PAX6: variants seen among roughly 807,000 people sequenced by gnomAD.
PAX6 encodes the protein paired box 6.
PAX6 carries 7 observed loss-of-function variants against 60.7 expected under a neutral mutation model. The observed-to-expected ratio is 0.12, with a 90% confidence interval of 0.07 to 0.22. The LOEUF is 0.22. Ranked by LOEUF, PAX6 falls within the 10% of genes least tolerant of loss-of-function variation. The pLI is 1.00. For synonymous variants in PAX6, 208 were observed against 201.2 expected (o/e 1.03, Z -0.29); for missense variants, 355 against 555.2 (o/e 0.64, Z 3.62).
At chr11:31,798,772 G>A (rs1275807670) in intron 8 of PAX6, among the ~76,000 whole-genome samples, 1 of 152,230 alleles carries the variant, frequency 6.6e-6, no homozygotes, top group Non-Finnish European at 1.5e-5. Flanking sequence ...ATCACAGGCG[G>A]ACCCTAGCTG....
chr11:31,800,031 C>T (rs1293770117), intron 8 of PAX6, among the ~76,000 whole-genome samples: 1 of 151,100 alleles, frequency 6.6e-6, no homozygotes, highest in Non-Finnish European at 1.5e-5. Context: ...ATCTCTCCTC[C>T]CAGACCAGAG....
chr11:31,817,932 G>A (rs941556624), exon 1 of PAX6: 2 of 152,690 alleles, frequency 1.3e-5, no homozygotes, highest in East Asian at 3.9e-4. Context: ...CTGCCCCAGA[G>A]TTTAAATGTC....
intron 9 of PAX6, 188 bp downstream of exon 9, chr11:31,794,416 CACACCACACACACACACACACACACA>C: frequency 7.8e-6 from 4 of 511,738 alleles, no homozygotes; most frequent in East Asian, 6.3e-5. Context: ...CACACACACA[CACACCACACACACACACACACACACA>C]CACACACACA....
At position 31,802,809 on chromosome 11, in the gene PAX6, A is replaced by G. The variant is rs769593111; in HGVS notation, c.36T>C (p.Gly12=). 8 of 1,614,028 alleles carry G rather than the reference A, an allele frequency of 5.0e-6. No individual in the cohort carries two copies. Among genetic ancestry groups the G allele is most frequent in the East Asian group, 4.5e-5 (2 of 44,874 alleles). The change falls in exon 5 of 14, where the codon GGT becomes GGC. Residue 12 remains glycine, a synonymous_variant. Coordinates refer to ENST00000640368, the MANE Select transcript of PAX6 (RefSeq NM_001368894.2). ...QNSHSGVNQL[G]GVFVNGRPLP... is the part of the protein sequence containing the mutation. ...GTGGCCGCCCGTTGACAAAGACACC[A>G]CCGAGCTGATTCACTCCGCTGTGAC...
intron 2 of PAX6, chr11:31,809,499 G>C (rs2135380563): frequency 6.6e-6 from 1 of 152,308 alleles, no homozygotes; most frequent in Non-Finnish European, 1.5e-5. Context: ...TGAAGAGCCA[G>C]GTTTTAGCAC....
chr11:31,811,455 T>C (rs1023242470), upstream of PAX6: 15 of 374,222 alleles, frequency 4.0e-5, no homozygotes, highest in Non-Finnish European at 6.7e-5. Flanking sequence ...AATACACTTG[T>C]TTTCGGCTCC....
At chr11:31,798,536 C>T (rs992498539) in intron 8 of PAX6, among the ~76,000 whole-genome samples, 2 of 152,206 alleles carry the variant, frequency 1.3e-5, no homozygotes, top group African/African-American at 4.8e-5. Flanking sequence ...CGAAGCTCAC[C>T]ACCGGTGCCC....
At chr11:31,808,098 A>C (rs1008156325) in intron 2 of PAX6, 6 of 152,142 alleles carry the variant, frequency 3.9e-5, no homozygotes, top group Admixed American at 2.0e-4. Context: ...TCTGCCCCCC[A>C]AAAAGAGGTA....
upstream of PAX6, chr11:31,815,016 CTCTCTCTCTCTCTT>C (rs1256841619): frequency 1.3e-5 from 2 of 151,856 alleles, no homozygotes; most frequent in East Asian, 1.9e-4. Flanking sequence ...CTCTCTCTCT[CTCTCTCTCTCTCTT>C]TCTCTCTCTG....
intron 5 of PAX6, chr11:31,802,142 A>C (rs1416154303): frequency 1.8e-6 from 1 of 557,410 alleles, no homozygotes; most frequent in East Asian, 3.0e-5. Context: ...GACCTTGCTT[A>C]AAGTGGCGTT....
intron 12 of PAX6, 106 bp from the exon 13 acceptor site, chr11:31,790,966 AGAT>A (rs1169270845): frequency 8.4e-7 from 1 of 1,194,324 alleles, no homozygotes; most frequent in East Asian, 2.5e-5. Context: ...TGATCATTAA[AGAT>A]GCCTTCACGT....
At chr11:31,799,668 G>T (rs1466734846) in intron 8 of PAX6, among the ~76,000 whole-genome samples, 1 of 151,848 alleles carries the variant, frequency 6.6e-6, no homozygotes, top group African/African-American at 2.4e-5. Flanking sequence ...CCCTTCCCTC[G>T]CCCGACTCCA....
rs1956981321 is a variant in PAX6 at position 31,811,182 on chromosome 11, G to T, written c.-384C>A. 1 of 399,396 alleles carries T rather than the reference G, an allele frequency of 2.5e-6. No individual in the cohort carries two copies. The highest frequency in any genetic ancestry group is 4.4e-6 in the Non-Finnish European group (1 of 226,358). The allele number at this position is 399,396 out of a possible 1,614,324, so 24.7% of individuals were successfully genotyped here. A position where few individuals can be genotyped will look rare whatever the true frequency, so the allele number is the denominator to read the frequency against. On this transcript the variant is annotated 5_prime_UTR_variant, in exon 1 of 14. Coordinates refer to ENST00000640368, the MANE Select transcript of PAX6 (RefSeq NM_001368894.2). ...GCCGGCGCCCGGCCTCGCCTCCACC[G>T]CTCCTCACTGGCCCATTAGCGAAGC...
At chr11:31,803,377 G>A (rs1465225935) in intron 4 of PAX6, 4 of 166,720 alleles carry the variant, frequency 2.4e-5, no homozygotes, top group Admixed American at 2.2e-4. Context: ...TCTCTGCAGT[G>A]TTGGGACAGT....
intron 4 of PAX6, 152 bp from the exon 5 acceptor site, chr11:31,802,986 G>T: frequency 1.3e-6 from 1 of 756,794 alleles, no homozygotes; most frequent in Non-Finnish European, 2.2e-6. Context: ...AGGAGGAGGA[G>T]ACAACCACAA....
intron 8 of PAX6, among the ~76,000 whole-genome samples, chr11:31,796,093 C>G (rs1951406131): frequency 6.6e-6 from 1 of 152,194 alleles, no homozygotes; most frequent in Non-Finnish European, 1.5e-5. Context: ...GTTTTAAAAC[C>G]CCAACTTTCT....
At position 31,793,728 on chromosome 11, in the gene PAX6, G is replaced by A; in HGVS notation, c.882C>T (p.Asn294=). 6 of 1,614,124 alleles carry A rather than the reference G, an allele frequency of 3.7e-6. No individual in the cohort carries two copies. The highest frequency in any genetic ancestry group is 5.1e-6 in the Non-Finnish European group (6 of 1,179,970). ...TGCTGATAGGAATATGACTAGGTGT[G>A]TTGCTGGCCTGTCTTCTCTGATTCC... ...KLRNQRRQAS[N]TPSHIPISSS... is the part of the protein sequence containing the mutation. Residue 294 remains asparagine, a synonymous_variant, in exon 11 of 14, where the codon AAC becomes AAT. Coordinates refer to ENST00000640368, the MANE Select transcript of PAX6 (RefSeq NM_001368894.2).
chr11:31,793,109 T>G (rs945371133), intron 12 of PAX6: 22 of 603,718 alleles, frequency 3.6e-5, no homozygotes, highest in Middle Eastern at 4.3e-4. Context: ...TGTGCCAGCA[T>G]TATTTCCACT....
At chr11:31,803,097 G>A in intron 4 of PAX6, 1 of 422,914 alleles carries the variant, frequency 2.4e-6, no homozygotes, top group Admixed American at 4.2e-5. Context: ...GCCAGACATC[G>A]GGCAGCCCAG....
Sources: gnomAD v4.1 joint callset for allele counts (sites outside exome capture counted in the v4.1 genomes callset) on GRCh38, gnomAD v4.1.1 for gene constraint, MANE v1.5 for transcripts, NCBI Gene and HGNC (gene_info 2026-07-23, HGNC 2026-07-21) for gene names.